DSCAML1: variants seen among roughly 807,000 people sequenced by gnomAD.
DSCAML1 encodes cell adhesion molecule DSCAML1.
DSCAML1 carries 38 observed loss-of-function variants against 200.5 expected under a neutral mutation model. That is an observed-to-expected ratio of 0.19 (90% CI 0.15 to 0.25). DSCAML1 has a LOEUF of 0.25. Ranked by LOEUF, DSCAML1 falls within the 10% of genes least tolerant of loss-of-function variation. The pLI is 1.00. For missense variants in DSCAML1, 2,223 were observed against 2,858.8 expected (o/e 0.78, Z 5.07); for synonymous variants, 1,215 against 1,165.0 (o/e 1.04, Z -0.87).
At chr11:117,429,325 G>A (rs1234498442) in intron 32 of DSCAML1, among the ~76,000 whole-genome samples, 1 of 152,138 alleles carries the variant, frequency 6.6e-6, no homozygotes, top group South Asian at 2.1e-4. Context: ...TCTTTCCCAT[G>A]GCAGCCTTCC....
At chr11:117,471,495 A>G (rs1410830358) in intron 15 of DSCAML1, among the ~76,000 whole-genome samples, 4 of 152,198 alleles carry the variant, frequency 2.6e-5, no homozygotes, top group East Asian at 1.9e-4. Context: ...TTTGTATTAC[A>G]TGATAACAAA....
intron 21 of DSCAML1, among the ~76,000 whole-genome samples, chr11:117,442,971 C>G (rs1256330328): frequency 1.3e-5 from 2 of 152,218 alleles, no homozygotes; most frequent in East Asian, 3.9e-4. Context: ...CGTAGGCCCT[C>G]GATCAGATGC....
intron 8 of DSCAML1, among the ~76,000 whole-genome samples, chr11:117,508,504 G>C (rs925958922): frequency 6.6e-6 from 1 of 151,822 alleles, no homozygotes; most frequent in African/African-American, 2.4e-5. Context: ...GAGAGGGCAG[G>C]GGGTACGGCA....
intron 1 of DSCAML1, among the ~76,000 whole-genome samples, chr11:117,782,518 G>A (rs2055283041): frequency 6.6e-6 from 1 of 152,164 alleles, no homozygotes. Flanking sequence ...TAAAGTTGGT[G>A]GCCAAGCAAG....
At position 117,665,013 on chromosome 11, in the gene DSCAML1, T is replaced by G. The variant is rs77545479; in HGVS notation, c.511+111778A>C. Among the ~76,000 whole-genome samples the G allele has an allele frequency of 5.2e-3, 788 of 152,274 alleles. 5 individuals are homozygous for G. Among genetic ancestry groups the G allele is most frequent in the African/African-American group, 0.018 (738 of 41,558 alleles). Reference sequence around the variant, plus strand: ...CCTTTCCTTCTTGTTTCTCTCACTTTGCCATGCTTGTTGGTAGCCAGGCCA... The same window carrying G: ...CCTTTCCTTCTTGTTTCTCTCACTTGGCCATGCTTGTTGGTAGCCAGGCCA... On this transcript the variant is annotated intron_variant, in intron 3 of 32. Coordinates refer to ENST00000651296, the MANE Select transcript of DSCAML1 (RefSeq NM_020693.4).
At chr11:117,431,147 G>C in intron 31 of DSCAML1, 114 bp from the exon 32 acceptor site, 1 of 1,064,744 alleles carries the variant, frequency 9.4e-7, no homozygotes, top group African/African-American at 1.6e-5. Flanking sequence ...GGCCATGGAG[G>C]GCACCAGGCT....
intron 3 of DSCAML1, among the ~76,000 whole-genome samples, chr11:117,701,848 C>T (rs572756627): frequency 3.3e-5 from 5 of 152,304 alleles, no homozygotes; most frequent in South Asian, 2.1e-4. Flanking sequence ...ATGTCATCCC[C>T]GCGCTCAGCC....
chr11:117,769,493 T>TATATATA (rs2054992466), intron 3 of DSCAML1, among the ~76,000 whole-genome samples: 3 of 87,838 alleles, frequency 3.4e-5, no homozygotes, highest in Non-Finnish European at 3.9e-5. Context: ...ATATATTTTA[T>TATATATA]ATATATAATA....
intron 2 of DSCAML1, among the ~76,000 whole-genome samples, chr11:117,778,408 G>A (rs1459767231): frequency 6.6e-6 from 1 of 152,190 alleles, no homozygotes; most frequent in Non-Finnish European, 1.5e-5. Context: ...AGTCAGCAGA[G>A]GTTAATGGCT....
At chr11:117,644,666 C>T (rs569595593) in intron 3 of DSCAML1, among the ~76,000 whole-genome samples, 17 of 152,342 alleles carry the variant, frequency 1.1e-4, no homozygotes, top group South Asian at 2.1e-4. Flanking sequence ...GGGGGAGCCG[C>T]GGAGTCCGCT....
chr11:117,431,105 T>G (rs375655319), intron 31 of DSCAML1, 72 bp from the exon 32 acceptor site: 1 of 1,425,690 alleles, frequency 7.0e-7, no homozygotes. Flanking sequence ...GCACTTCCCC[T>G]GCCCGTAACC....
Position 117,447,381 on chromosome 11 carries a change from TATA to T in DSCAML1, c.3708+3165_3708+3167del, listed in dbSNP as rs572258394. Reference sequence around the variant, plus strand: ...AAAAAGCAGATTGCATTACGTTATGTATAATATTATTTTAATTTGGTTTAATGA... The same window carrying T: ...AAAAAGCAGATTGCATTACGTTATGTATATTATTTTAATTTGGTTTAATGA... On this transcript the variant is annotated intron_variant, in intron 20 of 32. Coordinates refer to ENST00000651296, the MANE Select transcript of DSCAML1 (RefSeq NM_020693.4). 8.3e-4 allele frequency among the ~76,000 whole-genome samples: 126 copies of T among 152,320 alleles called. 1 individual carries two copies. The highest frequency in any genetic ancestry group is 2.9e-3 in the African/African-American group (122 of 41,570).
In DSCAML1 at chr11:117,524,914, G is replaced by A; in HGVS notation, c.828C>T (p.Ile276=). Residue 276 remains isoleucine (I), a synonymous_variant, in exon 5 of 33, where the codon ATC becomes ATT. Transcript: ENST00000651296. ...LPADSRWTKR[I]TGLTISDLRT... ...GCAAGTCGCTGATGGTCAGCCCTGT[G>A]ATGCGCTTGGTCCAGCGGCTGTCAG... The A allele has an allele frequency of 6.2e-7, 1 of 1,613,682 alleles. No homozygotes were observed. The highest frequency in any genetic ancestry group is 1.3e-5 in the African/African-American group (1 of 75,066).
chr11:117,547,988 C>A (rs907447991), intron 3 of DSCAML1, among the ~76,000 whole-genome samples: 2 of 152,194 alleles, frequency 1.3e-5, no homozygotes, highest in East Asian at 1.9e-4. Context: ...TGGAGAAGAC[C>A]CCCACCACGG....
At chr11:117,461,646 G>A (rs747110246) in intron 17 of DSCAML1, 50 bp from the exon 18 acceptor site, 2 of 1,563,678 alleles carry the variant, frequency 1.3e-6, no homozygotes, top group East Asian at 2.2e-5. Context: ...ATGGATGTGA[G>A]TGACAGTACA....
intron 3 of DSCAML1, among the ~76,000 whole-genome samples, chr11:117,768,894 G>T (rs2134030427): frequency 6.6e-6 from 1 of 151,036 alleles, no homozygotes; most frequent in South Asian, 2.1e-4. Flanking sequence ...TTTAAAATAT[G>T]GTGAAACCCC....
intron 3 of DSCAML1, among the ~76,000 whole-genome samples, chr11:117,630,043 G>A (rs575372112): frequency 1.3e-5 from 2 of 152,118 alleles, no homozygotes; most frequent in South Asian, 2.1e-4. Context: ...CTTTAAGCCC[G>A]ACAGGAACTG....
chr11:117,472,073 C>T (rs888180548), intron 14 of DSCAML1, 37 bp from the exon 15 acceptor site: 18 of 1,608,940 alleles, frequency 1.1e-5, no homozygotes, highest in Non-Finnish European at 1.4e-5. Flanking sequence ...CATGGCCAGG[C>T]AAACTCCAGG....
intron 5 of DSCAML1, 97 bp downstream of exon 5, chr11:117,524,708 G>A: frequency 7.0e-7 from 1 of 1,426,390 alleles, no homozygotes; most frequent in Non-Finnish European, 9.4e-7. Context: ...CCAGGGCCTG[G>A]TCAGAGACAG....
Sources: gnomAD v4.1 joint callset for allele counts (sites outside exome capture counted in the v4.1 genomes callset) on GRCh38, gnomAD v4.1.1 for gene constraint, MANE v1.5 for transcripts, NCBI Gene and HGNC (gene_info 2026-07-23, HGNC 2026-07-21) for gene names.